Variants in CATSPER2 observed in about 807,000 individuals in gnomAD.
CATSPER2 encodes cation channel sperm-associated protein 2.
A neutral mutation model predicts 68.8 loss-of-function variants in CATSPER2; 56 were observed. That is an observed-to-expected ratio of 0.81 (90% confidence interval 0.66 to 1.02). The LOEUF is 1.02. CATSPER2 is among the 50% of genes least tolerant of loss of function. The probability of loss-of-function intolerance (pLI) is 0.00; values close to 1 mark genes in which losing one functional copy is unlikely to be tolerated. For synonymous variants in CATSPER2, 198 were observed against 229.9 expected, an observed-to-expected ratio of 0.86 and a Z score of 1.26; for missense variants, 582 against 642.0, an observed-to-expected ratio of 0.91 and a Z score of 1.01.
chr15:43,629,879 C>G lies in CATSPER2; in HGVS notation c.*822G>C, dbSNP rs558535143. 6.6e-6 allele frequency: 1 copy of G among 151,936 alleles called. No homozygotes were observed. The highest frequency in any genetic ancestry group is 2.1e-4 in the South Asian group (1 of 4,804). The allele number at this position is 151,936 out of a possible 1,614,324, so 9.4% of individuals were successfully genotyped here. On this transcript the variant is annotated 3_prime_UTR_variant, in exon 13 of 13. Coordinates refer to ENST00000396879, the MANE Select transcript of CATSPER2 (RefSeq NM_172095.4). ...CAAGAGAAGCAACATGAGTGGAACA[C>G]GCAATGGAAACAATACTTCTCAATT...
In CATSPER2 at chr15:43,638,903, C is replaced by T. The variant is rs199516208; in HGVS notation, c.842+1G>A. ...ACCCAGCTGTCCCCAGCTCTGCTTA[C>T]GAGAAGAACACATGGTACTCCAGGT... is the stretch of plus-strand genomic sequence containing the variant. On this transcript the variant is annotated splice_donor_variant, in intron 7 of 12. Coordinates refer to ENST00000396879, the MANE Select transcript of CATSPER2 (RefSeq NM_172095.4). LOFTEE classifies it high-confidence loss of function. 4.7e-5 allele frequency: 76 copies of T among 1,612,514 alleles called. 1 individual carries two copies. In the Middle Eastern group the frequency reaches 1.6e-3, roughly 35 times the overall value.
At chr15:43,636,251 C>G (rs1322280073) in intron 7 of CATSPER2, 32 bp from the exon 8 acceptor site, 1 of 1,610,896 alleles carries the variant, frequency 6.2e-7, no homozygotes, top group South Asian at 1.1e-5. Flanking sequence ...TAGACAGAAG[C>G]AGAGACCTAA....
intron 5 of CATSPER2, 133 bp from the exon 6 acceptor site, chr15:43,639,931 C>A (rs1326578430): frequency 1.3e-6 from 2 of 1,569,022 alleles, no homozygotes; most frequent in Non-Finnish European, 1.7e-6. Context: ...GAAGTGCTTA[C>A]TATTCAGCCT....
At chr15:43,633,187 A>G (rs1567125812) in intron 10 of CATSPER2, 3 of 504,160 alleles carry the variant, frequency 6.0e-6, no homozygotes, top group East Asian at 3.6e-5. Context: ...TCTTTTCTCA[A>G]TAACTCACTG....
At chr15:43,636,605 G>C (rs2085969010) in intron 7 of CATSPER2, among the ~76,000 whole-genome samples, 2 of 151,460 alleles carry the variant, frequency 1.3e-5, no homozygotes, top group African/African-American at 2.4e-5. Context: ...TGGCCAGGCT[G>C]GTCTCGAACT....
At chr15:43,642,061 C>A (rs184113782) in intron 4 of CATSPER2, among the ~76,000 whole-genome samples, 1 of 150,996 alleles carries the variant, frequency 6.6e-6, no homozygotes, top group East Asian at 1.9e-4. Flanking sequence ...TTCTCTAAGA[C>A]GGACAATTTT....
chr15:43,630,368 A>G lies in CATSPER2; in HGVS notation c.*333T>C, dbSNP rs1381320655. On this transcript the variant is annotated 3_prime_UTR_variant, in exon 13 of 13. Transcript: ENST00000396879. ...AGCAGCTATCAGGAGTATTTATAAGACACTTATACAGAGTCTCACTCTGTT... is the reference window on the plus strand; with the variant it reads ...AGCAGCTATCAGGAGTATTTATAAGGCACTTATACAGAGTCTCACTCTGTT... 2 of 364,594 alleles carry G rather than the reference A, an allele frequency of 5.5e-6. No homozygotes were observed. The highest frequency in any genetic ancestry group is 1.3e-4 in the East Asian group (2 of 15,228). 22.6% of individuals were successfully genotyped at this position (364,594 alleles called of 1,614,324 possible).
chr15:43,647,513 T>C lies in CATSPER2; in HGVS notation c.146-46A>G, dbSNP rs368049818. ...GGATAGTGGATAAATACAAACAAAA[T>C]AGACCAGGTAGGGTTGGGGGCAGGG... On this transcript the variant is annotated intron_variant, in intron 2 of 12. Coordinates refer to ENST00000396879, the MANE Select transcript of CATSPER2 (RefSeq NM_172095.4). 3.9e-5 allele frequency: 62 copies of C among 1,576,238 alleles called. 1 individual carries two copies. Among genetic ancestry groups the C allele is most frequent in the Non-Finnish European group, 4.9e-5 (56 of 1,146,882 alleles).
chr15:43,635,913 T>C (rs929958089), intron 8 of CATSPER2, 87 bp from the exon 9 acceptor site: 10 of 1,325,200 alleles, frequency 7.5e-6, no homozygotes, highest in Middle Eastern at 5.0e-4. Flanking sequence ...AAGTGAAATA[T>C]CCAATCCAGA....
intron 11 of CATSPER2, 129 bp from the exon 12 acceptor site, chr15:43,632,492 G>C (rs1032955249): frequency 1.4e-5 from 19 of 1,402,176 alleles, no homozygotes; most frequent in East Asian, 2.4e-5. Flanking sequence ...GGGAAAGGGT[G>C]CATCAGTAAG....
rs1261685999 is a variant in CATSPER2 at position 43,647,119 on chromosome 15, C to T, written c.320-1G>A. The T allele has an allele frequency of 1.2e-6, 2 of 1,609,600 alleles. No individual in the cohort carries two copies. The highest frequency in any genetic ancestry group is 1.7e-6 in the Non-Finnish European group (2 of 1,176,158). On this transcript the variant is annotated splice_acceptor_variant, in intron 3 of 12. Transcript: ENST00000396879. LOFTEE classifies it high-confidence loss of function. ...ATGATGAAGTTTTTGAAGAGAGGAC[C>T]TGTTGTCTCTTAAGGAAATGTACAG...
At position 43,647,373 on chromosome 15, in the gene CATSPER2, G is replaced by A. The variant is rs759785551; in HGVS notation, c.240C>T (p.Ala80=). ...CATGAAGCCTGCTCAACAGCCTCTGGGCATGTGAAATCTGTTCTATACGCT... is the reference window on the plus strand; with the variant it reads ...CATGAAGCCTGCTCAACAGCCTCTGAGCATGTGAAATCTGTTCTATACGCT... ...KPQRIEQISH[A]QRLLSRLHVR... is the part of the protein sequence containing the mutation. The change falls in exon 3 of 13, where the codon GCC becomes GCT. Residue 80 remains alanine (A), a synonymous_variant. Transcript: ENST00000396879. 2.5e-6 allele frequency: 4 copies of A among 1,613,090 alleles called. No homozygotes were observed. The South Asian group carries it at 4.4e-5, about 18-fold the overall frequency.
Position 43,636,131 on chromosome 15 carries a change from C to T in CATSPER2, c.931G>A (p.Glu311Lys), listed in dbSNP as rs1478980670. 6.2e-6 allele frequency: 10 copies of T among 1,606,140 alleles called. 1 individual carries two copies. Among genetic ancestry groups the T allele is most frequent in the Non-Finnish European group, 6.8e-6 (8 of 1,174,460 alleles). ...ATGCTGCTGAAGATGCGACTGACTT[C>T]AGGCACCTTCCAGACGTCCTGAAGC... Reference protein sequence around the residue: ...ALLQDVWKVPEVSRIFSSIYF... With the variant: ...ALLQDVWKVPKVSRIFSSIYF... The change falls in exon 8 of 13, where the codon GAA becomes AAA. Residue 311 changes from glutamate to lysine, a missense_variant. Transcript: ENST00000396879.
rs1315249812 is a variant in CATSPER2, at chr15:43,638,918, G to A, written c.828C>T (p.Tyr276=). ...GCTCTGCTTACGAGAAGAACACATG[G>A]TACTCCAGGTCCTGACGAGGTGAAC... ...YTRSPRQDLE[Y]HVFFSDLPNS... The change falls in exon 7 of 13, where the codon TAC becomes TAT. Residue 276 remains tyrosine, a synonymous_variant. Coordinates refer to ENST00000396879, the MANE Select transcript of CATSPER2 (RefSeq NM_172095.4). The A allele has an allele frequency of 1.2e-6, 2 of 1,612,776 alleles. No homozygotes were observed. Among genetic ancestry groups the A allele is most frequent in the East Asian group, 2.2e-5 (1 of 44,818 alleles).
intron 4 of CATSPER2, among the ~76,000 whole-genome samples, chr15:43,645,488 C>T (rs2086148062): frequency 6.6e-6 from 1 of 151,700 alleles, no homozygotes; most frequent in Non-Finnish European, 1.5e-5. Context: ...ACTCCCTTCT[C>T]TTAAAAATTC....
chr15:43,646,878 C>T (rs2086175776), intron 4 of CATSPER2, among the ~76,000 whole-genome samples, 172 bp downstream of exon 4: 1 of 151,580 alleles, frequency 6.6e-6, no homozygotes, highest in South Asian at 2.1e-4. Context: ...CCAAGCCCGG[C>T]TAATTTTTTG....
rs746919652 is a variant in CATSPER2 at position 43,648,106 on chromosome 15, A to G, written c.-2-43T>C. ...GCATCAAGTGTCATTTCATTCTTGG[A>G]GCTGCACCAAGGATTACAGGTTTTC... On this transcript the variant is annotated intron_variant, in intron 1 of 12. Transcript: ENST00000396879. The G allele has an allele frequency of 2.5e-6, 4 of 1,605,280 alleles. 1 individual carries two copies. The highest frequency in any genetic ancestry group is 4.5e-5 in the East Asian group (2 of 44,804).
At position 43,631,983 on chromosome 15, in the gene CATSPER2, A is replaced by C. The variant is rs146462246; in HGVS notation, c.1561+216T>G. Reference sequence around the variant, plus strand: ...GGATTTGGGTGTCCCCTGCTACAGAAGCAGAGTTTCTAGGTTCTCTCTCAG... The same window carrying C: ...GGATTTGGGTGTCCCCTGCTACAGACGCAGAGTTTCTAGGTTCTCTCTCAG... On this transcript the variant is annotated intron_variant, in intron 12 of 12. Transcript: ENST00000396879. 4.4e-3 allele frequency among the ~76,000 whole-genome samples: 669 copies of C among 152,104 alleles called. 6 individuals carry two copies. Among genetic ancestry groups the C allele is most frequent in the African/African-American group, 0.015 (636 of 41,494 alleles).
chr15:43,639,711 A>T lies in CATSPER2; in HGVS notation c.649T>A (p.Ser217Thr). Residue 217 changes from serine (S) to threonine (T), a missense_variant, in exon 6 of 13, where the codon TCT (serine) becomes ACT (threonine). By Grantham distance (58) the Ser-to-Thr change is moderately conservative. Around this residue, in one of 5 missense-constraint regions of CATSPER2, gnomAD observed 45 missense variants for 80.2 expected, o/e 0.56. Coordinates refer to ENST00000396879, the MANE Select transcript of CATSPER2 (RefSeq NM_172095.4). ...QLLRICRVLR[S>T]LKLLAQFRQI... is the part of the protein sequence containing the mutation. ...CGGAATTGTGCAAGGAGTTTGAGAG[A>T]CCTCAGCACCCGGCAGATCCTCAGA... The T allele has an allele frequency of 6.2e-7, 1 of 1,613,172 alleles. No homozygotes were observed. The highest frequency in any genetic ancestry group is 8.5e-7 in the Non-Finnish European group (1 of 1,179,608).
Sources: gnomAD v4.1 joint callset for allele counts (sites outside exome capture counted in the v4.1 genomes callset) on GRCh38, gnomAD v4.1.1 for gene constraint, gnomAD v4.1.1 regional missense constraint, MANE v1.5 for transcripts, NCBI Gene and HGNC (gene_info 2026-07-23, HGNC 2026-07-21) for gene names.